Variants in NPEPPS observed in about 807,000 individuals in gnomAD.
NPEPPS encodes aminopeptidase puromycin sensitive, also known as puromycin-sensitive aminopeptidase.
In NPEPPS, 14 loss-of-function variants were observed where a neutral mutation model predicts 115.5. The observed-to-expected ratio is 0.12, with a 90% confidence interval of 0.08 to 0.19. The LOEUF (loss-of-function observed/expected upper bound fraction) is 0.19, where lower values mean the gene tolerates loss of function less well. Ranked by LOEUF, NPEPPS falls within the 10% of genes least tolerant of loss-of-function variation. NPEPPS has a pLI of 1.00. For missense variants in NPEPPS, 523 were observed against 1,110.8 expected, an observed-to-expected ratio of 0.47 and a Z score of 7.52; for synonymous variants, 285 against 390.6, an observed-to-expected ratio of 0.73 and a Z score of 3.19.
intron 3 of NPEPPS, 52 bp downstream of exon 3, chr17:47,569,546 C>T (rs1453585822): frequency 1.9e-5 from 16 of 859,762 alleles, no homozygotes; most frequent in South Asian, 9.1e-5. Flanking sequence ...TGACATCTGA[C>T]TTCCTCCAGA....
At chr17:47,561,838 CAG>C (rs1190701472) in intron 2 of NPEPPS, among the ~76,000 whole-genome samples, 2 of 152,242 alleles carry the variant, frequency 1.3e-5, no homozygotes, top group African/African-American at 4.8e-5. Context: ...AGAAGTTGCA[CAG>C]AGAGGCCAAG....
intron 2 of NPEPPS, among the ~76,000 whole-genome samples, chr17:47,556,439 T>C (rs1451355729): frequency 6.6e-6 from 1 of 152,172 alleles, no homozygotes; most frequent in East Asian, 1.9e-4. Flanking sequence ...CAGAAGACTT[T>C]TTCTTAGTAC....
intron 8 of NPEPPS, chr17:47,586,862 C>G: frequency 2.3e-6 from 1 of 432,150 alleles, no homozygotes; most frequent in South Asian, 1.8e-5. Context: ...CGGCTCAGTG[C>G]TGTTTTTGGG....
intron 13 of NPEPPS, 65 bp from the exon 14 acceptor site, chr17:47,599,611 C>A (rs937262434): frequency 7.2e-6 from 10 of 1,385,846 alleles, no homozygotes; most frequent in Non-Finnish European, 9.0e-6. Flanking sequence ...CCCTCCTCTT[C>A]AAAAACAAAA....
chr17:47,613,555 C>T, intron 18 of NPEPPS, 114 bp from the exon 19 acceptor site: 1 of 881,328 alleles, frequency 1.1e-6, no homozygotes, highest in Non-Finnish European at 1.8e-6. Flanking sequence ...GCGTGAGTCA[C>T]CGCAGCCGGC....
chr17:47,585,884 TAAG>T (rs1912147214), intron 6 of NPEPPS, 184 bp downstream of exon 6: 1 of 600,836 alleles, frequency 1.7e-6, no homozygotes, highest in South Asian at 2.3e-5. Context: ...AAATAATAAT[TAAG>T]AGAATATAAG....
At chr17:47,574,099 A>G (rs1433553957) in intron 3 of NPEPPS, among the ~76,000 whole-genome samples, 1 of 150,662 alleles carries the variant, frequency 6.6e-6, no homozygotes, top group East Asian at 1.9e-4. Flanking sequence ...ATGAAACATT[A>G]GGGATAAACG....
Position 47,536,643 on chromosome 17 carries a change from C to T in NPEPPS, c.255+5088C>T, listed in dbSNP as rs548017578. On this transcript the variant is annotated intron_variant, in intron 1 of 22. Transcript: ENST00000322157. ...CTCCCGACCTCTGGTGATCCACCCA[C>T]CTCAGCCTCCCAAAGTGCTGGGATT... 5.3e-5 allele frequency among the ~76,000 whole-genome samples: 8 copies of T among 151,260 alleles called. No individual in the cohort carries two copies. In the South Asian group the frequency reaches 8.4e-4, roughly 16 times the overall value.
At chr17:47,601,084 A>G (rs1289069170) in intron 14 of NPEPPS, among the ~76,000 whole-genome samples, 3 of 151,992 alleles carry the variant, frequency 2.0e-5, no homozygotes, top group African/African-American at 7.2e-5. Context: ...AAAATATTGT[A>G]TATTTTTGGG....
At chr17:47,590,174 G>A in intron 9 of NPEPPS, among the ~76,000 whole-genome samples, 1 of 151,952 alleles carries the variant, frequency 6.6e-6, no homozygotes, top group East Asian at 1.9e-4. Context: ...TCCAGCCTGG[G>A]CAACAGAATG....
intron 1 of NPEPPS, among the ~76,000 whole-genome samples, chr17:47,543,096 G>T (rs978837253): frequency 6.8e-6 from 1 of 146,300 alleles, no homozygotes; most frequent in African/African-American, 2.5e-5. Context: ...AAGATCGCAA[G>T]ATCGCATCAT....
At chr17:47,539,354 C>T (rs112813961) in intron 1 of NPEPPS, among the ~76,000 whole-genome samples, 8 of 152,094 alleles carry the variant, frequency 5.3e-5, no homozygotes, top group Admixed American at 4.6e-4. Context: ...TTAGTGATTT[C>T]GTTTTGAACA....
intron 1 of NPEPPS, among the ~76,000 whole-genome samples, chr17:47,538,034 C>T (rs1002326221): frequency 7.3e-5 from 11 of 150,980 alleles, no homozygotes; most frequent in Non-Finnish European, 1.5e-4. Flanking sequence ...GCTGGGATTA[C>T]AGGCATGCAC....
chr17:47,532,681 A>AG (rs1907903264), intron 1 of NPEPPS, among the ~76,000 whole-genome samples: 2 of 149,132 alleles, frequency 1.3e-5, no homozygotes, highest in African/African-American at 4.9e-5. Context: ...AAAAAAAAAA[A>AG]GGAAAGAAAG....
intron 19 of NPEPPS, 38 bp downstream of exon 19, chr17:47,613,763 G>T: frequency 6.7e-7 from 1 of 1,499,756 alleles, no homozygotes; most frequent in Non-Finnish European, 9.3e-7. Context: ...TCCTGCTTTT[G>T]AACTTGGATA....
In NPEPPS at chr17:47,622,942, A is replaced by G. The variant is rs1914679535; in HGVS notation, c.*1022A>G. On this transcript the variant is annotated 3_prime_UTR_variant, in exon 23 of 23. Transcript: ENST00000322157. ...GTCAGTGGTAACTGCTGCAGGGCTT[A>G]ATACATTAGTGGTAACTGGTTTAAA... 2.2e-6 allele frequency: 1 copy of G among 455,886 alleles called. No homozygotes were observed. The highest frequency in any genetic ancestry group is 1.5e-5 in the South Asian group (1 of 64,558). 28.2% of individuals were successfully genotyped at this position (455,886 alleles called of 1,614,324 possible).
At chr17:47,565,743 C>T (rs1910768753) in intron 2 of NPEPPS, among the ~76,000 whole-genome samples, 1 of 151,594 alleles carries the variant, frequency 6.6e-6, no homozygotes, top group Non-Finnish European at 1.5e-5. Flanking sequence ...ACACTTGAAC[C>T]TGAGAGGTCA....
upstream of NPEPPS, among the ~76,000 whole-genome samples, chr17:47,530,526 T>C (rs1340673692): frequency 2.0e-5 from 3 of 150,950 alleles, 1 homozygote; most frequent in Non-Finnish European, 4.4e-5. Flanking sequence ...CCGGCTAATT[T>C]TTTGTACTTT....
chr17:47,556,860 T>G (rs1286969216), intron 2 of NPEPPS, among the ~76,000 whole-genome samples: 3 of 152,210 alleles, frequency 2.0e-5, no homozygotes, highest in Non-Finnish European at 4.4e-5. Flanking sequence ...GCCAGGCTGG[T>G]CTCCAACTCC....
Sources: allele counts gnomAD v4.1 joint callset (sites outside exome capture counted in the v4.1 genomes callset), GRCh38; gene constraint gnomAD v4.1.1; transcripts MANE v1.5; gene names NCBI Gene and HGNC (gene_info 2026-07-23, HGNC 2026-07-21).